The following CD38 variants were observed in gnomAD, a reference collection of about 807,000 sequenced individuals.
CD38 encodes CD38 molecule.
CD38 carries 31 observed loss-of-function variants against 36.3 expected under a neutral mutation model. The ratio of observed to expected loss-of-function variants is 0.85; its 90% confidence interval spans 0.64 to 1.15. The LOEUF is 1.15. Ranked by LOEUF, CD38 falls within the 50% of genes most tolerant of loss-of-function variation. The pLI, the probability that CD38 is intolerant of heterozygous loss-of-function variation, is 0.00. For synonymous variants in CD38, 131 were observed against 135.2 expected (o/e 0.97, Z 0.22); for missense variants, 380 against 371.9 (o/e 1.02, Z -0.18).
intron 1 of CD38, among the ~76,000 whole-genome samples, chr4:15,779,800 TAA>T (rs932498180): frequency 2.1e-5 from 3 of 143,276 alleles, no homozygotes; most frequent in African/African-American, 2.6e-5. Flanking sequence ...GCAACCTCAT[TAA>T]AAAAAAAAAA....
chr4:15,819,204 G>A (rs1490869890), intron 2 of CD38, among the ~76,000 whole-genome samples: 1 of 152,160 alleles, frequency 6.6e-6, no homozygotes, highest in Non-Finnish European at 1.5e-5. Context: ...TGCTAGGGGA[G>A]GATAACATTA....
rs1301505223 is a variant in CD38 at position 15,791,772 on chromosome 4, C to T, written c.233+13125C>T. On this transcript the variant is annotated intron_variant, in intron 1 of 7. Coordinates refer to ENST00000226279, the MANE Select transcript of CD38 (RefSeq NM_001775.4). The stretch of plus-strand genomic sequence containing the variant: ...ACTGGGAAGTGAGGATCCCTCTGCC[C>T]GGCCAGCCGCCCCGTCCGGGAGGGA... Among the ~76,000 whole-genome samples, 45 of 82,368 alleles carry T rather than the reference C, an allele frequency of 5.5e-4. 5 individuals are homozygous for T. Among genetic ancestry groups the T allele is most frequent in the East Asian group, 2.8e-4 (1 of 3,616 alleles). 54.0% of individuals were successfully genotyped at this position (82,368 alleles called of 152,430 possible).
At position 15,793,723 on chromosome 4, in the gene CD38, G is replaced by A. The variant is rs988458993; in HGVS notation, c.233+15076G>A. ...CATCTGGAAGCTCTTTAGTGATTCA[G>A]ATAAGATTTGATTTTGGCTTGGATG... On this transcript the variant is annotated intron_variant, in intron 1 of 7. Coordinates refer to ENST00000226279, the MANE Select transcript of CD38 (RefSeq NM_001775.4). 5.9e-5 allele frequency among the ~76,000 whole-genome samples: 9 copies of A among 152,326 alleles called. 1 individual carries two copies. In the Middle Eastern group the frequency reaches 0.01, roughly 173 times the overall value.
At chr4:15,802,487 G>GTTTGT (rs1358188047) in intron 1 of CD38, among the ~76,000 whole-genome samples, 10 of 122,278 alleles carry the variant, frequency 8.2e-5, no homozygotes, top group East Asian at 2.8e-4. Flanking sequence ...CAAAGCAATT[G>GTTTGT]TTTGTTTTAT....
intron 1 of CD38, among the ~76,000 whole-genome samples, chr4:15,811,494 CTTG>C (rs1046408853): frequency 2.0e-5 from 3 of 151,516 alleles, no homozygotes; most frequent in African/African-American, 7.3e-5. Context: ...ATGTGGATAT[CTTG>C]TTGTCCCTGC....
chr4:15,826,962 C>T (rs1357440975), intron 3 of CD38, among the ~76,000 whole-genome samples: 6 of 151,940 alleles, frequency 3.9e-5, no homozygotes, highest in Non-Finnish European at 8.8e-5. Context: ...ATATTTTGAC[C>T]ATCTGTATGC....
intron 1 of CD38, among the ~76,000 whole-genome samples, chr4:15,790,245 C>T (rs1273968931): frequency 5.3e-5 from 8 of 150,920 alleles, no homozygotes; most frequent in South Asian, 4.2e-4. Flanking sequence ...CAAAGCTGGA[C>T]GGTACTGCTG....
intron 1 of CD38, among the ~76,000 whole-genome samples, chr4:15,787,156 G>T (rs1394692570): frequency 1.3e-5 from 2 of 152,240 alleles, no homozygotes; most frequent in East Asian, 3.9e-4. Flanking sequence ...GTCTCCCACA[G>T]TGCAGCTGTG....
intron 3 of CD38, among the ~76,000 whole-genome samples, chr4:15,831,653 G>A (rs1723961107): frequency 6.6e-6 from 1 of 152,098 alleles, no homozygotes; most frequent in South Asian, 2.1e-4. Context: ...TCTGCTGCCA[G>A]ATGTACTGAA....
intron 1 of CD38, among the ~76,000 whole-genome samples, chr4:15,787,264 A>G (rs1366496042): frequency 6.6e-6 from 1 of 152,252 alleles, no homozygotes; most frequent in East Asian, 1.9e-4. Context: ...TCCTCTCATT[A>G]GGGTTGGGGA....
intron 1 of CD38, among the ~76,000 whole-genome samples, chr4:15,793,573 C>A (rs1723049831): frequency 6.6e-6 from 1 of 152,130 alleles, no homozygotes; most frequent in Non-Finnish European, 1.5e-5. Flanking sequence ...GGACACAGGA[C>A]TTATCCCACT....
At chr4:15,824,401 A>T (rs963972253) in intron 2 of CD38, among the ~76,000 whole-genome samples, 4 of 152,066 alleles carry the variant, frequency 2.6e-5, no homozygotes, top group African/African-American at 9.7e-5. Context: ...TTTAAGAGGG[A>T]CCCTTAAATT....
intron 1 of CD38, among the ~76,000 whole-genome samples, chr4:15,814,323 G>A (rs755793977): frequency 6.1e-4 from 93 of 151,916 alleles, no homozygotes; most frequent in Non-Finnish European, 6.0e-4. Flanking sequence ...TGTTTAAGTT[G>A]TAGACTTAGG....
intron 1 of CD38, among the ~76,000 whole-genome samples, chr4:15,791,721 AGGGGCGCCTCT>A (rs1722999273): frequency 1.4e-5 from 1 of 70,858 alleles, no homozygotes; most frequent in Non-Finnish European, 2.5e-5. Context: ...CCGGGAGGTG[AGGGGCGCCTCT>A]GCCCGGCCGC....
chr4:15,829,562 C>T (rs946234903), intron 3 of CD38, among the ~76,000 whole-genome samples: 1 of 152,156 alleles, frequency 6.6e-6, no homozygotes, highest in African/African-American at 2.4e-5. Context: ...ATGTGTTGGG[C>T]TGCATTCAAA....
At chr4:15,807,037 C>T (rs1278942334) in intron 1 of CD38, among the ~76,000 whole-genome samples, 1 of 152,126 alleles carries the variant, frequency 6.6e-6, no homozygotes, top group Admixed American at 6.5e-5. Flanking sequence ...AACCTAAGAC[C>T]ACCAGGAACA....
In CD38 at chr4:15,852,756, C is replaced by T. The variant is rs578153223; in HGVS notation, c.*4154C>T. On this transcript the variant is annotated 3_prime_UTR_variant, in exon 8 of 8. Coordinates refer to ENST00000226279, the MANE Select transcript of CD38 (RefSeq NM_001775.4). ...AGTGGTGATTAGCTTGGCCTTAGCT[C>T]ACCCACACAAAGCACAACAGGCTTT... The T allele has an allele frequency of 1.3e-5, 2 of 151,770 alleles. No individual in the cohort carries two copies. The highest frequency in any genetic ancestry group is 1.3e-4 in the Admixed American group (2 of 15,234). 9.4% of individuals were successfully genotyped at this position (151,770 alleles called of 1,614,324 possible). A position where few individuals can be genotyped will look rare whatever the true frequency, so the allele number is the denominator to read the frequency against.
intron 7 of CD38, among the ~76,000 whole-genome samples, chr4:15,848,091 CT>C (rs1399611547): frequency 2.0e-5 from 3 of 152,208 alleles, no homozygotes; most frequent in African/African-American, 7.2e-5. Flanking sequence ...CACCATCCCC[CT>C]ATTCATGTGC....
chr4:15,817,535 T>C (rs927178120), intron 2 of CD38, among the ~76,000 whole-genome samples: 2 of 152,262 alleles, frequency 1.3e-5, no homozygotes, highest in African/African-American at 4.8e-5. Context: ...GATAGTATGC[T>C]AAGCAATTTA....
Sources: gnomAD v4.1 joint callset for allele counts (sites outside exome capture counted in the v4.1 genomes callset) on GRCh38, gnomAD v4.1.1 for gene constraint, MANE v1.5 for transcripts, NCBI Gene and HGNC (gene_info 2026-07-23, HGNC 2026-07-21) for gene names.